Variants in SLCO5A1 observed in about 807,000 individuals in gnomAD.
SLCO5A1 encodes the protein solute carrier organic anion transporter family member 5A1.
In SLCO5A1, 39 loss-of-function variants were observed where a neutral mutation model predicts 65.1. The ratio of observed to expected loss-of-function variants is 0.60; its 90% CI spans 0.46 to 0.78. The LOEUF is 0.78. SLCO5A1 is among the 30% of genes least tolerant of loss of function. The pLI is 0.00. For missense variants in SLCO5A1, 1,029 were observed against 1,069.4 expected, an observed-to-expected ratio of 0.96 and a Z score of 0.53; for synonymous variants, 438 against 415.7, an observed-to-expected ratio of 1.05 and a Z score of -0.65.
chr8:69,762,182 CT>C lies in SLCO5A1; in HGVS notation c.908-308del, dbSNP rs1396736106. On this transcript the variant is annotated intron_variant, in intron 2 of 9. Transcript: ENST00000260126. ...TCTTTCTTTCTTTCTTTCTTTCTTT[CT>C]TTCTTTCTTTCTTTCTTTTTTGAGA... is the stretch of plus-strand genomic sequence containing the variant. Among the ~76,000 whole-genome samples, 265 of 60,826 alleles carry C rather than the reference CT, an allele frequency of 4.4e-3. 4 individuals carry two copies. The highest frequency in any genetic ancestry group is 0.014 in the African/African-American group (241 of 17,732). 39.9% of individuals were successfully genotyped at this position (60,826 alleles called of 152,430 possible).
chr8:69,737,380 T>C (rs115089025), intron 5 of SLCO5A1, among the ~76,000 whole-genome samples: 3,123 of 152,286 alleles, frequency 0.021, 100 homozygotes, highest in African/African-American at 0.071. Context: ...ATCTTTGATA[T>C]CACTAAGAAA....
chr8:69,725,977 G>T (rs1263933668), intron 5 of SLCO5A1, among the ~76,000 whole-genome samples: 1 of 152,194 alleles, frequency 6.6e-6, no homozygotes, highest in Non-Finnish European at 1.5e-5. Context: ...TCAGAACACC[G>T]TGCTGTGAAC....
At chr8:69,701,765 G>A (rs1198667154) in intron 6 of SLCO5A1, among the ~76,000 whole-genome samples, 1 of 152,112 alleles carries the variant, frequency 6.6e-6, no homozygotes, top group African/African-American at 2.4e-5. Flanking sequence ...GACCACCTTG[G>A]GCACATGTTC....
In SLCO5A1 at chr8:69,673,241, A is replaced by G. The variant is rs369635871; in HGVS notation, c.2175T>C (p.Ser725=). 1.8e-5 allele frequency: 29 copies of G among 1,614,132 alleles called. No individual in the cohort carries two copies. The highest frequency in any genetic ancestry group is 2.2e-5 in the Non-Finnish European group (26 of 1,180,048). Residue 725 remains serine, a synonymous_variant, in exon 10 of 10, where the codon TCT becomes TCC. Transcript: ENST00000260126. The part of the protein sequence containing the change: ...LWQQECGVQG[S]CWEYNVTSFR... ...ACGACGTCACGTTGTACTCCCAGCA[A>G]GAACCCTGCACACCACATTCCTGTT... is the stretch of plus-strand genomic sequence containing the variant.
intron 5 of SLCO5A1, 36 bp downstream of exon 5, chr8:69,738,004 T>C (rs1263890410): frequency 6.3e-7 from 1 of 1,593,686 alleles, no homozygotes; most frequent in South Asian, 1.1e-5. Flanking sequence ...GTCAAAATGA[T>C]CATGTTTTCA....
At position 69,778,260 on chromosome 8, in the gene SLCO5A1, T is replaced by C. The variant is rs1014378255; in HGVS notation, c.908-16385A>G. On this transcript the variant is annotated intron_variant, in intron 2 of 9. Transcript: ENST00000260126. ...GTGTGTGTGTGTGTGTGTGTGTGTG[T>C]GCATATATGTGTTAAACCTTTTCAA... 3.1e-3 allele frequency among the ~76,000 whole-genome samples: 454 copies of C among 148,144 alleles called. 3 individuals are homozygous for C. The highest frequency in any genetic ancestry group is 0.011 in the African/African-American group (423 of 39,622).
At chr8:69,683,905 G>A (rs1813895422) in intron 6 of SLCO5A1, among the ~76,000 whole-genome samples, 1 of 152,138 alleles carries the variant, frequency 6.6e-6, no homozygotes, top group Non-Finnish European at 1.5e-5. Flanking sequence ...TTATACAGTA[G>A]CATAGCCCAT....
At chr8:69,772,885 G>A (rs1452400816) in intron 2 of SLCO5A1, 2 of 976,868 alleles carry the variant, frequency 2.0e-6, no homozygotes, top group Non-Finnish European at 2.4e-6. Context: ...CAAAACTGAT[G>A]CATTTTCTTC....
chr8:69,744,645 G>A (rs1816947062), intron 4 of SLCO5A1, among the ~76,000 whole-genome samples: 1 of 152,168 alleles, frequency 6.6e-6, no homozygotes, highest in South Asian at 2.1e-4. Context: ...TCAGCTCCCA[G>A]CATTCATCTG....
chr8:69,832,883 C>T lies in SLCO5A1; in HGVS notation c.-210G>A, dbSNP rs925197476. On this transcript the variant is annotated 5_prime_UTR_variant, in exon 2 of 10. Transcript: ENST00000260126. The surrounding 1 kb of genome is among the most constrained non-coding windows in gnomAD (Gnocchi z 4.5). ...AGACACGGCTTCAAGGCTCCGCAGC[C>T]GCGTGCCACAGGGGGCAGGGGTCCG... 3.3e-6 allele frequency: 2 copies of T among 607,100 alleles called. No homozygotes were observed. The highest frequency in any genetic ancestry group is 2.0e-5 in the South Asian group (1 of 49,134). 37.6% of individuals were successfully genotyped at this position (607,100 alleles called of 1,614,324 possible). A position where few individuals can be genotyped will look rare whatever the true frequency, so the allele number is the denominator to read the frequency against.
At chr8:69,744,632 T>A (rs1448683498) in intron 4 of SLCO5A1, among the ~76,000 whole-genome samples, 1 of 152,224 alleles carries the variant, frequency 6.6e-6, no homozygotes, top group African/African-American at 2.4e-5. Flanking sequence ...TATCTGTACA[T>A]CTTCAGCTCC....
In SLCO5A1 at chr8:69,698,994, G is replaced by A. The variant is rs137908322; in HGVS notation, c.1622+6037C>T. On this transcript the variant is annotated intron_variant, in intron 6 of 9. Coordinates refer to ENST00000260126, the MANE Select transcript of SLCO5A1 (RefSeq NM_030958.3). ...AGCAGGAGGATGGAGTTCAGGGAAA[G>A]AGGAAGATTCAGTAAAACAGAAAGC... Among the ~76,000 whole-genome samples the A allele has an allele frequency of 4.2e-3, 640 of 152,322 alleles. 9 individuals carry two copies. Among genetic ancestry groups the A allele is most frequent in the East Asian group, 0.017 (87 of 5,186 alleles).
intron 4 of SLCO5A1, among the ~76,000 whole-genome samples, chr8:69,741,346 A>G (rs1362142405): frequency 6.6e-6 from 1 of 152,214 alleles, no homozygotes; most frequent in African/African-American, 2.4e-5. Context: ...TTTAAACAGA[A>G]AGATACATAA....
At chr8:69,685,084 A>C (rs1322544761) in intron 6 of SLCO5A1, among the ~76,000 whole-genome samples, 1 of 152,254 alleles carries the variant, frequency 6.6e-6, no homozygotes, top group Non-Finnish European at 1.5e-5. Flanking sequence ...GAAAGGCTCT[A>C]AGAAAATCAA....
At chr8:69,822,485 C>A (rs745926133) in intron 2 of SLCO5A1, among the ~76,000 whole-genome samples, 8 of 152,142 alleles carry the variant, frequency 5.3e-5, no homozygotes, top group Non-Finnish European at 1.2e-4. Context: ...TCAATGTTTC[C>A]CAGGAGTGCT....
chr8:69,824,850 T>C (rs1221418721), intron 2 of SLCO5A1, among the ~76,000 whole-genome samples: 3 of 152,164 alleles, frequency 2.0e-5, no homozygotes, highest in Non-Finnish European at 2.9e-5. Flanking sequence ...ACCAATATCC[T>C]TGATGAACAT....
At chr8:69,716,781 C>G (rs1409185635) in intron 5 of SLCO5A1, among the ~76,000 whole-genome samples, 1 of 108,110 alleles carries the variant, frequency 9.2e-6, no homozygotes. Context: ...CTGTGTTTTT[C>G]CTTTTTTTTT....
At chr8:69,814,081 A>G (rs552674765) in intron 2 of SLCO5A1, among the ~76,000 whole-genome samples, 74 of 152,330 alleles carry the variant, frequency 4.9e-4, no homozygotes, top group South Asian at 3.9e-3. Flanking sequence ...CAAGAAAAAA[A>G]CATGACATTG....
At chr8:69,784,364 C>T (rs1818920301) in intron 2 of SLCO5A1, among the ~76,000 whole-genome samples, 1 of 152,096 alleles carries the variant, frequency 6.6e-6, no homozygotes, top group South Asian at 2.1e-4. Context: ...ACTAGAATGA[C>T]TAAAATTAGA....
Sources: gnomAD v4.1 joint callset for allele counts (sites outside exome capture counted in the v4.1 genomes callset) on GRCh38, gnomAD v4.1.1 for gene constraint, Gnocchi (gnomAD v3.1) non-coding constraint, MANE v1.5 for transcripts, NCBI Gene and HGNC (gene_info 2026-07-23, HGNC 2026-07-21) for gene names.